ARFGEF1: variants seen among roughly 807,000 people sequenced by gnomAD.
The protein encoded by ARFGEF1 is ARF guanine nucleotide exchange factor 1.
Under a neutral mutation model 231.0 loss-of-function variants are expected in ARFGEF1, and 42 were observed. The ratio of observed to expected loss-of-function variants is 0.18; its 90% CI spans 0.14 to 0.24. The LOEUF is 0.24. Ranked by LOEUF, ARFGEF1 falls within the 10% of genes least tolerant of loss-of-function variation. The pLI, the probability that ARFGEF1 is intolerant of heterozygous loss-of-function variation, is 1.00. For synonymous variants in ARFGEF1, 710 were observed against 732.3 expected (o/e 0.97, Z 0.49); for missense variants, 1,345 against 2,192.0 (o/e 0.61, Z 7.72).
At chr8:67,202,344 C>CA (rs1838362452) in intron 36 of ARFGEF1, among the ~76,000 whole-genome samples, 1 of 152,068 alleles carries the variant, frequency 6.6e-6, no homozygotes. Context: ...ACTGCAGCCT[C>CA]AAACTCCTGG....
chr8:67,298,820 C>A (rs181663005), intron 4 of ARFGEF1, among the ~76,000 whole-genome samples: 1 of 152,182 alleles, frequency 6.6e-6, no homozygotes, highest in South Asian at 2.1e-4. Context: ...GGCTGGAGCA[C>A]AGTGGCATGG....
At position 67,227,122 on chromosome 8, in the gene ARFGEF1, T is replaced by A. The variant is rs201593359; in HGVS notation, c.3916+15A>T. 4,943 of 1,603,814 alleles carry A rather than the reference T, an allele frequency of 3.1e-3. 14 individuals are homozygous for A. Among genetic ancestry groups the A allele is most frequent in the Non-Finnish European group, 4.0e-3 (4,727 of 1,173,448 alleles). On this transcript the variant is annotated intron_variant, in intron 27 of 38. Coordinates refer to ENST00000262215, the MANE Select transcript of ARFGEF1 (RefSeq NM_006421.5). The stretch of plus-strand genomic sequence containing the variant: ...TTTTTTCCTTTTACTTGAACACAGC[T>A]AAGAGAATACTCACTGACAATGTGC...
chr8:67,315,312 G>A (rs1417764528), intron 1 of ARFGEF1, among the ~76,000 whole-genome samples: 1 of 152,144 alleles, frequency 6.6e-6, no homozygotes, highest in African/African-American at 2.4e-5. Context: ...TATTTTAGCT[G>A]AAGAAGTAAA....
At chr8:67,244,428 C>T (rs1367877566) in intron 19 of ARFGEF1, among the ~76,000 whole-genome samples, 1 of 142,266 alleles carries the variant, frequency 7.0e-6, no homozygotes, top group Non-Finnish European at 1.5e-5. Flanking sequence ...CCCACCTCAG[C>T]TTTCCTAGTA....
Position 67,228,088 on chromosome 8 carries a change from G to A in ARFGEF1, c.3466C>T (p.Leu1156Phe), listed in dbSNP as rs1839435099. ...AACATTCTTGGGTGTGTCGTGGAAA[G>A]TAATTCATCCATAGACACAGCACAG... ...WLCAVSMDEL[L>F]STTHPRMFSL... Residue 1156 changes from leucine to phenylalanine, a missense_variant, in exon 25 of 39, where the codon CTT becomes TTT. Leu to Phe is a conservative substitution (Grantham distance 22, BLOSUM62 0). Transcript: ENST00000262215. 3 of 1,609,704 alleles carry A rather than the reference G, an allele frequency of 1.9e-6. No homozygotes were observed. In the African/African-American group the frequency reaches 4.0e-5, roughly 22 times the overall value.
chr8:67,250,291 T>C (rs1208044195), intron 19 of ARFGEF1, among the ~76,000 whole-genome samples: 1 of 152,166 alleles, frequency 6.6e-6, no homozygotes, highest in Non-Finnish European at 1.5e-5. Context: ...AGATGCCTGT[T>C]AGGAGAATGC....
chr8:67,221,860 C>A (rs974601433), intron 29 of ARFGEF1, among the ~76,000 whole-genome samples: 17 of 150,566 alleles, frequency 1.1e-4, no homozygotes, highest in African/African-American at 3.9e-4. Context: ...GTCGCCCAGG[C>A]TGGAGTGCAG....
chr8:67,343,420 G>A lies in ARFGEF1; in HGVS notation c.-133C>T. 2 of 1,431,358 alleles carry A rather than the reference G, an allele frequency of 1.4e-6. No homozygotes were observed. Among genetic ancestry groups the A allele is most frequent in the Non-Finnish European group, 1.8e-6 (2 of 1,087,538 alleles). The allele number at this position is 1,431,358 out of a possible 1,614,324, so 88.7% of individuals were successfully genotyped here. A position where few individuals can be genotyped will look rare whatever the true frequency, so the allele number is the denominator to read the frequency against. On this transcript the variant is annotated 5_prime_UTR_variant, in exon 1 of 39. Coordinates refer to ENST00000262215, the MANE Select transcript of ARFGEF1 (RefSeq NM_006421.5). Reference sequence around the variant, plus strand: ...TGGGGGATTGGAGGCGTGGAGGGCAGCGGCAGGATCAGGAAGGGGCGGGCG... The same window carrying A: ...TGGGGGATTGGAGGCGTGGAGGGCAACGGCAGGATCAGGAAGGGGCGGGCG...
chr8:67,259,721 C>A, intron 15 of ARFGEF1, 94 bp downstream of exon 15: 1 of 815,202 alleles, frequency 1.2e-6, no homozygotes, highest in Non-Finnish European at 1.9e-6. Flanking sequence ...TCAAAACTAG[C>A]CTGGGCAATA....
intron 9 of ARFGEF1, among the ~76,000 whole-genome samples, chr8:67,274,832 T>C (rs1263960566): frequency 2.6e-5 from 4 of 152,112 alleles, no homozygotes; most frequent in African/African-American, 4.8e-5. Context: ...TGATTCAGAA[T>C]GAGATGTTAA....
chr8:67,245,584 C>A (rs1840079605), intron 19 of ARFGEF1, among the ~76,000 whole-genome samples: 1 of 148,554 alleles, frequency 6.7e-6, no homozygotes, highest in Admixed American at 6.7e-5. Flanking sequence ...AACCTCAAAC[C>A]AAAAAAACCT....
At chr8:67,250,271 G>A (rs1175841382) in intron 19 of ARFGEF1, among the ~76,000 whole-genome samples, 1 of 152,192 alleles carries the variant, frequency 6.6e-6, no homozygotes, top group Non-Finnish European at 1.5e-5. Flanking sequence ...GAGTGAAAAA[G>A]TAGACATGAA....
intron 37 of ARFGEF1, among the ~76,000 whole-genome samples, chr8:67,200,926 A>T (rs540460072): frequency 5.2e-5 from 8 of 152,384 alleles, no homozygotes; most frequent in African/African-American, 1.9e-4. Flanking sequence ...CAAATGGGAT[A>T]ACAGAGACTA....
intron 5 of ARFGEF1, among the ~76,000 whole-genome samples, chr8:67,184,738 A>AT (rs1563780268): frequency 8.5e-5 from 12 of 140,996 alleles, no homozygotes. Flanking sequence ...AATAATAATA[A>AT]AAAAATATAA....
At chr8:67,190,896 T>C (rs1285292758) in intron 5 of ARFGEF1, 5 of 647,074 alleles carry the variant, frequency 7.7e-6, no homozygotes, top group Non-Finnish European at 1.4e-5. Context: ...AGGCTCTGCC[T>C]TGACTGGATG....
intron 29 of ARFGEF1, among the ~76,000 whole-genome samples, chr8:67,221,944 G>T (rs1273552440): frequency 6.6e-6 from 1 of 151,178 alleles, no homozygotes; most frequent in African/African-American, 2.4e-5. Context: ...CTCCCAAGTA[G>T]CTGGGACTAC....
Position 67,276,193 on chromosome 8 carries a change from T to C in ARFGEF1, c.1204-84A>G, listed in dbSNP as rs1428849749. The C allele has an allele frequency of 2.4e-5, 35 of 1,448,944 alleles. 1 individual carries two copies. The East Asian group carries it at 5.0e-4, about 21-fold the overall frequency. 89.8% of individuals were successfully genotyped at this position (1,448,944 alleles called of 1,614,324 possible). Reference sequence around the variant, plus strand: ...CAGCCTTCTACTGTATTTCATTCAATTCACTAACAGGTGGAGATTCCCCCA... The same window carrying C: ...CAGCCTTCTACTGTATTTCATTCAACTCACTAACAGGTGGAGATTCCCCCA... On this transcript the variant is annotated intron_variant, in intron 8 of 38. Coordinates refer to ENST00000262215, the MANE Select transcript of ARFGEF1 (RefSeq NM_006421.5).
chr8:67,309,918 T>A (rs1425243650), intron 1 of ARFGEF1, among the ~76,000 whole-genome samples: 1 of 152,204 alleles, frequency 6.6e-6, no homozygotes, highest in Non-Finnish European at 1.5e-5. Context: ...TTTTCTATTC[T>A]ATTAAAAACC....
chr8:67,276,275 C>T (rs1805309570), intron 8 of ARFGEF1, among the ~76,000 whole-genome samples, 166 bp from the exon 9 acceptor site: 1 of 152,036 alleles, frequency 6.6e-6, no homozygotes, highest in South Asian at 2.1e-4. Context: ...TTTTATACTC[C>T]ACGGACCACA....
Sources: allele counts gnomAD v4.1 joint callset (sites outside exome capture counted in the v4.1 genomes callset), GRCh38; gene constraint gnomAD v4.1.1; transcripts MANE v1.5; gene names NCBI Gene and HGNC (gene_info 2026-07-23, HGNC 2026-07-21).